Variants in ILRUN observed in about 807,000 individuals in gnomAD.
The protein encoded by ILRUN is protein ILRUN.
Under a neutral mutation model 33.8 loss-of-function variants are expected in ILRUN, and 3 were observed. That is an observed-to-expected ratio of 0.09 (90% CI 0.04 to 0.23). ILRUN has a LOEUF of 0.23. Among genes scored for constraint, ILRUN ranks in the 10% least tolerant of loss-of-function variants. The pLI is 1.00. For missense variants in ILRUN, 210 were observed against 375.1 expected (o/e 0.56, Z 3.64); for synonymous variants, 124 against 138.9 (o/e 0.89, Z 0.75).
Position 34,646,864 on chromosome 6 carries a change from T to C in ILRUN, c.314-66A>G, listed in dbSNP as rs1762572379. 2 of 1,463,630 alleles carry C rather than the reference T, an allele frequency of 1.4e-6. No individual in the cohort carries two copies. Among genetic ancestry groups the C allele is most frequent in the East Asian group, 2.3e-5 (1 of 44,122 alleles). The allele number at this position is 1,463,630 out of a possible 1,614,324, so 90.7% of individuals were successfully genotyped here. On this transcript the variant is annotated intron_variant, in intron 2 of 4. Transcript: ENST00000374023. This position sits in a 1 kb window ranked among gnomAD's most constrained non-coding sequence, Gnocchi z 4.9. ...GTCCTATGCTGGGTGCAGTTTATTA[T>C]GAAACTGTAGAAGAGGCCTCTTTCT...
At chr6:34,658,781 C>G (rs1248798222) in intron 1 of ILRUN, among the ~76,000 whole-genome samples, 2 of 152,078 alleles carry the variant, frequency 1.3e-5, no homozygotes, top group African/African-American at 4.8e-5. Flanking sequence ...GCACTCCAGC[C>G]TGGGCAACAG....
intron 4 of ILRUN, among the ~76,000 whole-genome samples, chr6:34,593,180 TAAAAC>T (rs929287154): frequency 1.1e-4 from 17 of 151,980 alleles, no homozygotes; most frequent in African/African-American, 4.1e-4. Context: ...CCTTCTCTCT[TAAAAC>T]AAAGTCACAG....
At chr6:34,594,703 C>T (rs1469693170) in intron 4 of ILRUN, among the ~76,000 whole-genome samples, 2 of 152,208 alleles carry the variant, frequency 1.3e-5, no homozygotes, top group African/African-American at 4.8e-5. Context: ...AGCGCAGAGG[C>T]TCCACAGTCA....
chr6:34,696,323 C>G lies in ILRUN; in HGVS notation c.158+123G>C, dbSNP rs1361258307. On this transcript the variant is annotated intron_variant, in intron 1 of 4. Transcript: ENST00000374023. Reference sequence around the variant, plus strand: ...GGGCTCCCCGACTCGTCCTCCCCGTCCCGGGAAGGGGTGGCCCTCAGTACC... The same window carrying G: ...GGGCTCCCCGACTCGTCCTCCCCGTGCCGGGAAGGGGTGGCCCTCAGTACC... The G allele has an allele frequency of 2.9e-6, 3 of 1,048,872 alleles. No individual in the cohort carries two copies. The East Asian group carries it at 7.9e-5, about 28-fold the overall frequency. The allele number at this position is 1,048,872 out of a possible 1,614,324, so 65.0% of individuals were successfully genotyped here.
chr6:34,692,328 T>G (rs971035467), intron 1 of ILRUN, among the ~76,000 whole-genome samples: 10 of 152,186 alleles, frequency 6.6e-5, no homozygotes, highest in African/African-American at 2.4e-4. Flanking sequence ...TACCACATTA[T>G]TTTCTAATAG....
At chr6:34,647,272 A>G (rs1032535356) in intron 2 of ILRUN, among the ~76,000 whole-genome samples, 1 of 152,208 alleles carries the variant, frequency 6.6e-6, no homozygotes, top group Admixed American at 6.5e-5. Context: ...TTTCAATGGT[A>G]TTATTCTCAA....
At chr6:34,610,622 G>A (rs1761728641) in intron 3 of ILRUN, among the ~76,000 whole-genome samples, 2 of 152,162 alleles carry the variant, frequency 1.3e-5, no homozygotes, top group South Asian at 2.1e-4. Flanking sequence ...CTGATATAAT[G>A]CAAATATTCA....
At chr6:34,635,413 A>G (rs955433608) in intron 3 of ILRUN, among the ~76,000 whole-genome samples, 7 of 152,028 alleles carry the variant, frequency 4.6e-5, no homozygotes. Flanking sequence ...CTGTAATCCC[A>G]GCTACTTGAG....
At chr6:34,669,019 ATT>A (rs1763061689) in intron 1 of ILRUN, among the ~76,000 whole-genome samples, 1 of 151,476 alleles carries the variant, frequency 6.6e-6, no homozygotes, top group Non-Finnish European at 1.5e-5. Flanking sequence ...AATTTTTTGT[ATT>A]TTTAGTAGAG....
intron 2 of ILRUN, 124 bp downstream of exon 2, chr6:34,654,501 A>G (rs1762731915): frequency 7.5e-6 from 7 of 933,454 alleles, no homozygotes; most frequent in Non-Finnish European, 1.1e-5. Context: ...AAAATACTAC[A>G]TATCATGTGT....
At position 34,592,643 on chromosome 6, in the gene ILRUN, G is replaced by A. The variant is rs555772947; in HGVS notation, c.862-2043C>T. 6.6e-6 allele frequency among the ~76,000 whole-genome samples: 1 copy of A among 151,956 alleles called. No homozygotes were observed. Among genetic ancestry groups the A allele is most frequent in the South Asian group, 2.1e-4 (1 of 4,786 alleles). On this transcript the variant is annotated intron_variant, in intron 4 of 4. Coordinates refer to ENST00000374023, the MANE Select transcript of ILRUN (RefSeq NM_024294.4). The surrounding 1 kb of genome is among the most constrained non-coding windows in gnomAD (Gnocchi z 4.0). ...AGTCAAGTGCTGGGATTACAGGCATGAGCCACTGCGCCTGGCCTTTGCCAT... is the reference window on the plus strand; with the variant it reads ...AGTCAAGTGCTGGGATTACAGGCATAAGCCACTGCGCCTGGCCTTTGCCAT...
chr6:34,614,494 T>A (rs942831273), intron 3 of ILRUN, among the ~76,000 whole-genome samples: 3 of 138,994 alleles, frequency 2.2e-5, no homozygotes, highest in African/African-American at 8.3e-5. Flanking sequence ...TTATTATATA[T>A]ATTATATTTT....
chr6:34,638,198 C>T (rs1379369991), intron 3 of ILRUN, among the ~76,000 whole-genome samples: 1 of 151,982 alleles, frequency 6.6e-6, no homozygotes, highest in East Asian at 1.9e-4. Flanking sequence ...TTCATACCGA[C>T]TTTGACTCAC....
At chr6:34,600,807 A>G (rs571200967) in intron 4 of ILRUN, among the ~76,000 whole-genome samples, 7 of 152,354 alleles carry the variant, frequency 4.6e-5, no homozygotes, top group African/African-American at 1.7e-4. Flanking sequence ...GTAGCTGTAC[A>G]TTACAGAAAG....
chr6:34,645,401 C>G (rs1044187667), intron 3 of ILRUN, among the ~76,000 whole-genome samples: 1 of 151,980 alleles, frequency 6.6e-6, no homozygotes, highest in Admixed American at 6.6e-5. Flanking sequence ...TTGAGACAGG[C>G]GCTCACTCTG....
intron 3 of ILRUN, among the ~76,000 whole-genome samples, chr6:34,629,668 T>C (rs1762205546): frequency 6.6e-6 from 1 of 152,220 alleles, no homozygotes; most frequent in Non-Finnish European, 1.5e-5. Context: ...CTGTTTGGTG[T>C]TCTCTGAGCT....
chr6:34,658,819 G>A (rs1347639596), intron 1 of ILRUN, among the ~76,000 whole-genome samples: 1 of 152,086 alleles, frequency 6.6e-6, no homozygotes, highest in African/African-American at 2.4e-5. Flanking sequence ...AGAAAAAAAA[G>A]ACTGTGATCT....
At chr6:34,638,143 C>A (rs1762403552) in intron 3 of ILRUN, among the ~76,000 whole-genome samples, 1 of 152,046 alleles carries the variant, frequency 6.6e-6, no homozygotes, top group Non-Finnish European at 1.5e-5. Flanking sequence ...CTGCCTCGGC[C>A]TCCCAAAGTG....
At chr6:34,635,619 T>C (rs1045292945) in intron 3 of ILRUN, among the ~76,000 whole-genome samples, 6 of 148,566 alleles carry the variant, frequency 4.0e-5, no homozygotes, top group African/African-American at 1.0e-4. Flanking sequence ...AAGCTTTTTT[T>C]TTTTTTTTTT....
Sources: allele counts gnomAD v4.1 joint callset (sites outside exome capture counted in the v4.1 genomes callset), GRCh38; gene constraint gnomAD v4.1.1; non-coding constraint Gnocchi (gnomAD v3.1); transcripts MANE v1.5; gene names NCBI Gene and HGNC (gene_info 2026-07-23, HGNC 2026-07-21).